SPATA31A6: variants seen among roughly 807,000 people sequenced by gnomAD.
The protein encoded by SPATA31A6 is SPATA31 subfamily A member 6.
Under a neutral mutation model 11.9 loss-of-function variants are expected in SPATA31A6, and 9 were observed. The observed-to-expected ratio is 0.76, with a 90% CI of 0.46 to 1.32. SPATA31A6 has a LOEUF of 1.32. SPATA31A6 is among the 40% of genes most tolerant of loss of function. The pLI, the probability that SPATA31A6 is intolerant of heterozygous loss-of-function variation, is 0.00. For missense variants in SPATA31A6, 855 were observed against 1,467.3 expected (o/e 0.58, Z 6.82); for synonymous variants, 314 against 572.1 (o/e 0.55, Z 6.44).
Position 42,187,269 on chromosome 9 carries a change from G to A in SPATA31A6, c.1567G>A (p.Ala523Thr). 2 of 1,541,832 alleles carry A rather than the reference G, an allele frequency of 1.3e-6. No individual in the cohort carries two copies. Among genetic ancestry groups the A allele is most frequent in the Non-Finnish European group, 1.8e-6 (2 of 1,137,836 alleles). The change falls in exon 4 of 4, where the codon GCA becomes ACA. Residue 523 changes from alanine (A) to threonine (T), a missense_variant. Coordinates refer to ENST00000332857, the MANE Select transcript of SPATA31A6 (RefSeq NM_001145196.1). The stretch of plus-strand genomic sequence containing the variant: ...TAAGAACACTGGAGTAGCTTGCCCT[G>A]CATCGCAGAATAAAGTGCAAGCTCT... ...LIKNTGVACP[A>T]SQNKVQALSL...
rs2808968 is a variant in SPATA31A6 at position 42,186,895 on chromosome 9, G to T, written c.1193G>T (p.Cys398Phe). The T allele has an allele frequency of 2.5e-4, 379 of 1,537,766 alleles. 92 individuals carry two copies. The East Asian group carries it at 5.4e-3, about 22-fold the overall frequency. Residue 398 changes from cysteine (C) to phenylalanine (F), a missense_variant, in exon 4 of 4, where the codon TGC (cysteine) becomes TTC (phenylalanine). Cys to Phe is a radical substitution (Grantham distance 205). Transcript: ENST00000332857. ...AAACAGCTGCCCGGACCTCAGAAGT[G>T]CTCAGATCCTAGGCTCTTGCAGGAA... ...NSKQLPGPQK[C>F]SDPRLLQESF...
rs1829487476 is a variant in SPATA31A6 at position 42,187,676 on chromosome 9, G to T, written c.1974G>T (p.Gln658His). 1 of 1,519,292 alleles carries T rather than the reference G, an allele frequency of 6.6e-7. No individual in the cohort carries two copies. The highest frequency in any genetic ancestry group is 8.9e-7 in the Non-Finnish European group (1 of 1,128,902). The allele number at this position is 1,519,292 out of a possible 1,614,324, so 94.1% of individuals were successfully genotyped here. The change falls in exon 4 of 4, where the codon CAG (glutamine) becomes CAT (histidine). Residue 658 changes from glutamine to histidine, a missense_variant. Coordinates refer to ENST00000332857, the MANE Select transcript of SPATA31A6 (RefSeq NM_001145196.1). The stretch of plus-strand genomic sequence containing the variant: ...AGGAGGCACAGAAGGTGAAGTTCCA[G>T]CTAGAGAGGGACCTGTGCCCACATC... ...SSKEAQKVKF[Q>H]LERDLCPHLG...
In SPATA31A6 at chr9:42,187,163, C is replaced by T; in HGVS notation, c.1461C>T (p.Pro487=). 6.5e-7 allele frequency: 1 copy of T among 1,543,096 alleles called. No individual in the cohort carries two copies. Among genetic ancestry groups the T allele is most frequent in the Non-Finnish European group, 8.8e-7 (1 of 1,137,922 alleles). Residue 487 remains proline, a synonymous_variant, in exon 4 of 4, where the codon CCC becomes CCT. Transcript: ENST00000332857. ...TTTCATCCACACCCCAATTCCTGCC[C>T]ACACCTATGGCTCAGGCCGAGGCTC... ...PFISSTPQFL[P]TPMAQAEAQA...
rs759122544 is a variant in SPATA31A6 at position 42,189,413 on chromosome 9, C to T, written c.3711C>T (p.Ala1237=). 2.5e-5 allele frequency: 39 copies of T among 1,564,518 alleles called. 2 individuals carry two copies. The highest frequency in any genetic ancestry group is 5.3e-5 in the Admixed American group (3 of 56,772). ...ATCAGCACAAACAGAAGTTTCAAGCCCCAGTCTGTGGGTTTCCCTGCAACC... is the reference window on the plus strand; with the variant it reads ...ATCAGCACAAACAGAAGTTTCAAGCTCCAGTCTGTGGGTTTCCCTGCAACC... ...KVNQHKQKFQ[A]PVCGFPCNHR... Residue 1237 remains alanine (A), a synonymous_variant, in exon 4 of 4, where the codon GCC becomes GCT. Coordinates refer to ENST00000332857, the MANE Select transcript of SPATA31A6 (RefSeq NM_001145196.1).
At chr9:42,185,577 G>A in intron 2 of SPATA31A6, 118 bp from the exon 3 acceptor site, 4 of 1,153,540 alleles carry the variant, frequency 3.5e-6, no homozygotes, top group South Asian at 2.7e-5. Flanking sequence ...TTTGGACACA[G>A]ATGGGTGGGG....
At position 42,189,142 on chromosome 9, in the gene SPATA31A6, T is replaced by A. The variant is rs760886373; in HGVS notation, c.3440T>A (p.Leu1147Gln). ...CATCAGGATGAAGGCGTCCAGCTAC[T>A]GCCATCAAAGAAACAGCCTCCTTCA... Reference protein sequence around the residue: ...DTHQDEGVQLLPSKKQPPSVS... With the variant: ...DTHQDEGVQLQPSKKQPPSVS... The change falls in exon 4 of 4, where the codon CTG becomes CAG. Residue 1147 changes from leucine to glutamine, a missense_variant. Physicochemically the swap from Leu to Gln is moderately radical, Grantham distance 113. Coordinates refer to ENST00000332857, the MANE Select transcript of SPATA31A6 (RefSeq NM_001145196.1). The A allele has an allele frequency of 3.9e-6, 6 of 1,545,540 alleles. 2 individuals carry two copies. In the East Asian group the frequency reaches 9.5e-5, roughly 24 times the overall value.
rs772615883 is a variant in SPATA31A6, at chr9:42,183,671, G to A, written c.-17G>A. ...ATGCCCAGAGCTCAGTTGCTTGAAAGCAACGTGCCTATTCACATGGAGAAT... is the reference window on the plus strand; with the variant it reads ...ATGCCCAGAGCTCAGTTGCTTGAAAACAACGTGCCTATTCACATGGAGAAT... On this transcript the variant is annotated 5_prime_UTR_variant, in exon 1 of 4. Transcript: ENST00000332857. 2.0e-6 allele frequency: 3 copies of A among 1,526,772 alleles called. No individual in the cohort carries two copies. The highest frequency in any genetic ancestry group is 2.6e-6 in the Non-Finnish European group (3 of 1,134,904). The allele number at this position is 1,526,772 out of a possible 1,614,324, so 94.6% of individuals were successfully genotyped here.
chr9:42,186,792 G>C lies in SPATA31A6; in HGVS notation c.1090G>C (p.Gly364Arg), dbSNP rs2808966. The part of the protein sequence containing the change: ...MTPEKHLNSL[G>R]NLAKSLDAEQ... ...CCCAGAAAAGCACTTAAATTCTTTG[G>C]GGAATTTGGCTAAATCATTGGATGC... Residue 364 changes from glycine to arginine, a missense_variant, in exon 4 of 4, where the codon GGG becomes CGG. Gly to Arg is a moderately radical substitution (Grantham distance 125, BLOSUM62 -2). Coordinates refer to ENST00000332857, the MANE Select transcript of SPATA31A6 (RefSeq NM_001145196.1). The C allele has an allele frequency of 4.4e-3, 6,633 of 1,498,106 alleles. 2,423 individuals are homozygous for C. The highest frequency in any genetic ancestry group is 0.02 in the South Asian group (1,577 of 80,206). 92.8% of individuals were successfully genotyped at this position (1,498,106 alleles called of 1,614,324 possible).
In SPATA31A6 at chr9:42,187,724, C is replaced by T. The variant is rs548733209; in HGVS notation, c.2022C>T (p.Thr674=). ...CPHLGQILGE[T]PQNLSRDMKS... ...ATCTGGGGCAAATTCTGGGTGAGAC[C>T]CCACAAAATCTATCCAGGGACATGA... The change falls in exon 4 of 4, where the codon ACC becomes ACT. Residue 674 remains threonine, a synonymous_variant. Transcript: ENST00000332857. 2.4e-4 allele frequency: 366 copies of T among 1,518,222 alleles called. 85 individuals are homozygous for T. In the African/African-American group the frequency reaches 5.4e-3, roughly 22 times the overall value. 94.0% of individuals were successfully genotyped at this position (1,518,222 alleles called of 1,614,324 possible). A position where few individuals can be genotyped will look rare whatever the true frequency, so the allele number is the denominator to read the frequency against.
chr9:42,189,873 G>T lies in SPATA31A6; in HGVS notation c.*139G>T, dbSNP rs1335542349. ...CATTTAATATTCCACAATATATATG[G>T]TTTTTTATTTATAAGAGGGTGATGG... On this transcript the variant is annotated 3_prime_UTR_variant, in exon 4 of 4. Coordinates refer to ENST00000332857, the MANE Select transcript of SPATA31A6 (RefSeq NM_001145196.1). 45 of 1,111,586 alleles carry T rather than the reference G, an allele frequency of 4.0e-5. 9 individuals carry two copies. The highest frequency in any genetic ancestry group is 9.9e-5 in the Admixed American group (3 of 30,398). The allele number at this position is 1,111,586 out of a possible 1,614,324, so 68.9% of individuals were successfully genotyped here.
At position 42,188,696 on chromosome 9, in the gene SPATA31A6, G is replaced by A; in HGVS notation, c.2994G>A (p.Lys998=). 1 of 1,270,812 alleles carries A rather than the reference G, an allele frequency of 7.9e-7. No individual in the cohort carries two copies. Among genetic ancestry groups the A allele is most frequent in the Non-Finnish European group, 1.1e-6 (1 of 946,102 alleles). 78.7% of individuals were successfully genotyped at this position (1,270,812 alleles called of 1,614,324 possible). The stretch of plus-strand genomic sequence containing the variant: ...TGTCTGTCTCCCAAGATCCAAGAAA[G>A]CTGTGTCTTATGGAGGAGGTTGTTA... ...PRVSVSQDPR[K]LCLMEEVVSE... Residue 998 remains lysine, a synonymous_variant, in exon 4 of 4, where the codon AAG becomes AAA. Transcript: ENST00000332857.
In SPATA31A6 at chr9:42,188,884, A is replaced by G. The variant is rs769676946; in HGVS notation, c.3182A>G (p.Asn1061Ser). The G allele has an allele frequency of 1.9e-6, 3 of 1,555,680 alleles. No homozygotes were observed. The highest frequency in any genetic ancestry group is 2.3e-5 in the East Asian group (1 of 42,872). Residue 1061 changes from asparagine (N) to serine (S), a missense_variant, in exon 4 of 4, where the codon AAC becomes AGC. Coordinates refer to ENST00000332857, the MANE Select transcript of SPATA31A6 (RefSeq NM_001145196.1). Reference sequence around the variant, plus strand: ...CATCTCCAGAGCATGCCTACTGGGAACATGCGGGCTTCCCAGGAGCTACAT... The same window carrying G: ...CATCTCCAGAGCATGCCTACTGGGAGCATGCGGGCTTCCCAGGAGCTACAT... Reference protein sequence around the residue: ...QGHLQSMPTGNMRASQELHDL... With the variant: ...QGHLQSMPTGSMRASQELHDL...
At position 42,188,885 on chromosome 9, in the gene SPATA31A6, C is replaced by T. The variant is rs1829511815; in HGVS notation, c.3183C>T (p.Asn1061=). 15 of 1,555,224 alleles carry T rather than the reference C, an allele frequency of 9.6e-6. 2 individuals carry two copies. Among genetic ancestry groups the T allele is most frequent in the African/African-American group, 1.5e-5 (1 of 64,548 alleles). ...ATCTCCAGAGCATGCCTACTGGGAA[C>T]ATGCGGGCTTCCCAGGAGCTACATG... ...QGHLQSMPTG[N]MRASQELHDL... Residue 1061 remains asparagine, a synonymous_variant, in exon 4 of 4, where the codon AAC becomes AAT. Coordinates refer to ENST00000332857, the MANE Select transcript of SPATA31A6 (RefSeq NM_001145196.1).
rs1452984670 is a variant in SPATA31A6, at chr9:42,183,985, A to C, written c.189+109A>C. 12 of 1,465,924 alleles carry C rather than the reference A, an allele frequency of 8.2e-6. No individual in the cohort carries two copies. The Admixed American group carries it at 2.3e-4, about 28-fold the overall frequency. The allele number at this position is 1,465,924 out of a possible 1,614,324, so 90.8% of individuals were successfully genotyped here. A position where few individuals can be genotyped will look rare whatever the true frequency, so the allele number is the denominator to read the frequency against. On this transcript the variant is annotated intron_variant, in intron 1 of 3. Coordinates refer to ENST00000332857, the MANE Select transcript of SPATA31A6 (RefSeq NM_001145196.1). The stretch of plus-strand genomic sequence containing the variant: ...AGAGCCTTCTATGATGGGAAGTCTC[A>C]GAAGAGACCAGAACATCATCCTTCC...
rs1166405563 is a variant in SPATA31A6, at chr9:42,185,551, G to A, written c.248-144G>A. On this transcript the variant is annotated intron_variant, in intron 2 of 3. Transcript: ENST00000332857. ...CTGTCCTCCATGCCTTGCTATTAAC[G>A]TCGGGGTCATGTGGCTTTGGACACA... The A allele has an allele frequency of 1.4e-4, 153 of 1,102,618 alleles. 20 individuals are homozygous for A. Among genetic ancestry groups the A allele is most frequent in the Middle Eastern group, 5.9e-4 (2 of 3,412 alleles). The allele number at this position is 1,102,618 out of a possible 1,614,324, so 68.3% of individuals were successfully genotyped here. A position where few individuals can be genotyped will look rare whatever the true frequency, so the allele number is the denominator to read the frequency against.
chr9:42,185,840 G>T lies in SPATA31A6; in HGVS notation c.308+85G>T. 4 of 1,221,258 alleles carry T rather than the reference G, an allele frequency of 3.3e-6. 1 individual carries two copies. The highest frequency in any genetic ancestry group is 4.5e-6 in the Non-Finnish European group (4 of 890,088). 75.7% of individuals were successfully genotyped at this position (1,221,258 alleles called of 1,614,324 possible). A position where few individuals can be genotyped will look rare whatever the true frequency, so the allele number is the denominator to read the frequency against. ...CACAGGCAGCCTGGAGCTGACCTGG[G>T]ATGGGGAGACCAGGGGGACAGAGGA... On this transcript the variant is annotated intron_variant, in intron 3 of 3. Coordinates refer to ENST00000332857, the MANE Select transcript of SPATA31A6 (RefSeq NM_001145196.1).
Position 42,187,363 on chromosome 9 carries a change from T to C in SPATA31A6, c.1661T>C (p.Leu554Ser). The C allele has an allele frequency of 2.0e-6, 3 of 1,536,466 alleles. 1 individual carries two copies. Among genetic ancestry groups the C allele is most frequent in the East Asian group, 4.8e-5 (2 of 41,470 alleles). Residue 554 changes from leucine to serine, a missense_variant, in exon 4 of 4, where the codon TTA (leucine) becomes TCA (serine). Transcript: ENST00000332857. ...AAACAACTAGAAGGTAGGTTGGCTT[T>C]ACCCTCTAGGGTCCAAAAATCTCAG... ...LRKQLEGRLA[L>S]PSRVQKSQDV...
chr9:42,189,874 T>C lies in SPATA31A6; in HGVS notation c.*140T>C. ...ATTTAATATTCCACAATATATATGG[T>C]TTTTTATTTATAAGAGGGTGATGGC... On this transcript the variant is annotated 3_prime_UTR_variant, in exon 4 of 4. Coordinates refer to ENST00000332857, the MANE Select transcript of SPATA31A6 (RefSeq NM_001145196.1). 9.0e-7 allele frequency: 1 copy of C among 1,111,454 alleles called. No homozygotes were observed. The highest frequency in any genetic ancestry group is 1.2e-6 in the Non-Finnish European group (1 of 840,118). 68.8% of individuals were successfully genotyped at this position (1,111,454 alleles called of 1,614,324 possible). A position where few individuals can be genotyped will look rare whatever the true frequency, so the allele number is the denominator to read the frequency against.
At position 42,189,090 on chromosome 9, in the gene SPATA31A6, A is replaced by G; in HGVS notation, c.3388A>G (p.Thr1130Ala). The part of the protein sequence containing the change: ...RLEGLRTPQL[T>A]PVRKTEDTHQ... ...TGAAGGATTGAGGACTCCTCAACTT[A>G]CCCCAGTCAGGAAAACAGAAGACAC... Residue 1130 changes from threonine (T) to alanine (A), a missense_variant, in exon 4 of 4, where the codon ACC becomes GCC. Transcript: ENST00000332857. 6.5e-7 allele frequency: 1 copy of G among 1,547,074 alleles called. No individual in the cohort carries two copies. Among genetic ancestry groups the G allele is most frequent in the Non-Finnish European group, 8.8e-7 (1 of 1,140,348 alleles).
Sources: gnomAD v4.1 joint callset for allele counts on GRCh38, gnomAD v4.1.1 for gene constraint, MANE v1.5 for transcripts, NCBI Gene and HGNC (gene_info 2026-07-23, HGNC 2026-07-21) for gene names.